Variants in PAK5 observed in about 807,000 individuals in gnomAD.
PAK5 encodes the protein p21 (RAC1) activated kinase 5.
In PAK5, 16 loss-of-function variants were observed where a neutral mutation model predicts 65.9. That is an observed-to-expected ratio of 0.24 (90% CI 0.16 to 0.37). The LOEUF (loss-of-function observed/expected upper bound fraction) is 0.37. Among genes scored for constraint, PAK5 ranks in the 10% least tolerant of loss-of-function variants. PAK5 has a pLI of 1.00. For missense variants in PAK5, 785 were observed against 903.9 expected (o/e 0.87, Z 1.69); for synonymous variants, 371 against 354.9 (o/e 1.05, Z -0.51).
At chr20:9,722,339 G>C (rs1195058195) in intron 1 of PAK5, among the ~76,000 whole-genome samples, 1 of 152,072 alleles carries the variant, frequency 6.6e-6, no homozygotes, top group Non-Finnish European at 1.5e-5. Flanking sequence ...ACAAGGCAAG[G>C]CCGGGCGTCG....
chr20:9,628,334 T>C (rs2046876156), intron 3 of PAK5, among the ~76,000 whole-genome samples: 1 of 152,170 alleles, frequency 6.6e-6, no homozygotes, highest in Admixed American at 6.5e-5. Context: ...TCTTGGATGG[T>C]TTGGCTCCAG....
intron 1 of PAK5, among the ~76,000 whole-genome samples, chr20:9,805,087 A>C (rs1356401434): frequency 6.6e-6 from 1 of 152,196 alleles, no homozygotes; most frequent in Admixed American, 6.5e-5. Context: ...CATATTTCCC[A>C]AAAAAATACA....
intron 2 of PAK5, among the ~76,000 whole-genome samples, chr20:9,694,911 T>C (rs1051824402): frequency 6.6e-6 from 1 of 152,046 alleles, no homozygotes; most frequent in Non-Finnish European, 1.5e-5. Context: ...GGTATATACA[T>C]ACCTAAGAGT....
In PAK5 at chr20:9,789,141, AG is replaced by A. The variant is rs1425036433; in HGVS notation, c.-162+49620del. Among the ~76,000 whole-genome samples, 3 of 152,344 alleles carry A rather than the reference AG, an allele frequency of 2.0e-5. No homozygotes were observed. The East Asian group carries it at 5.8e-4, about 29-fold the overall frequency. ...TAGAAGTTTGTACTGGCTGCCAGAAAGGCAAGCCCTTGGTGACTCAAGTACA... is the reference window on the plus strand; with the variant it reads ...TAGAAGTTTGTACTGGCTGCCAGAAAGCAAGCCCTTGGTGACTCAAGTACA... On this transcript the variant is annotated intron_variant, in intron 1 of 9. Transcript: ENST00000353224.
intron 6 of PAK5, among the ~76,000 whole-genome samples, chr20:9,559,489 C>T (rs1169722565): frequency 6.6e-6 from 1 of 152,166 alleles, no homozygotes; most frequent in East Asian, 1.9e-4. Flanking sequence ...TGAAGAAACA[C>T]ACCCTTCCCC....
At chr20:9,690,071 A>G (rs1475893652) in intron 2 of PAK5, among the ~76,000 whole-genome samples, 1 of 152,220 alleles carries the variant, frequency 6.6e-6, no homozygotes, top group Admixed American at 6.5e-5. Context: ...AGCCAGTCAG[A>G]CAACAGTATC....
chr20:9,561,994 T>G (rs1359303201), intron 6 of PAK5, among the ~76,000 whole-genome samples: 1 of 152,218 alleles, frequency 6.6e-6, no homozygotes. Flanking sequence ...GTGATTTATG[T>G]GGACACTGAA....
At position 9,766,386 on chromosome 20, in the gene PAK5, A is replaced by ACT. The variant is rs1569079089; in HGVS notation, c.-161-54952_-161-54951insAG. ...ATATATATATTCAAGCAGAATATAT[A>ACT]TGTATATATATATTCAAGCAGAATA... On this transcript the variant is annotated intron_variant, in intron 1 of 9. Transcript: ENST00000353224. Among the ~76,000 whole-genome samples the ACT allele has an allele frequency of 7.4e-3, 427 of 57,528 alleles. 85 individuals are homozygous for ACT. The highest frequency in any genetic ancestry group is 0.028 in the African/African-American group (318 of 11,158). The allele number at this position is 57,528 out of a possible 152,430, so 37.7% of individuals were successfully genotyped here. A position where few individuals can be genotyped will look rare whatever the true frequency, so the allele number is the denominator to read the frequency against.
At chr20:9,726,716 G>T (rs540939229) in intron 1 of PAK5, among the ~76,000 whole-genome samples, 235 of 152,210 alleles carry the variant, frequency 1.5e-3, no homozygotes, top group Non-Finnish European at 2.4e-3. Context: ...CCTAATGCAC[G>T]CAGGGCTTAA....
chr20:9,557,125 T>G (rs2045519687), intron 7 of PAK5, among the ~76,000 whole-genome samples: 1 of 152,192 alleles, frequency 6.6e-6, no homozygotes. Flanking sequence ...GCACTAATCC[T>G]CATACACTAT....
intron 2 of PAK5, among the ~76,000 whole-genome samples, chr20:9,705,706 C>T (rs987888210): frequency 1.3e-5 from 2 of 152,080 alleles, no homozygotes; most frequent in African/African-American, 2.4e-5. Flanking sequence ...CCTTGAAACA[C>T]TCTTGCACAG....
chr20:9,817,916 A>T (rs180778524), intron 1 of PAK5, among the ~76,000 whole-genome samples: 4 of 152,238 alleles, frequency 2.6e-5, no homozygotes, highest in African/African-American at 9.6e-5. Flanking sequence ...GACTTTCTTC[A>T]TAGGAACACA....
intron 1 of PAK5, among the ~76,000 whole-genome samples, chr20:9,812,471 A>C (rs1458220024): frequency 6.6e-6 from 1 of 152,160 alleles, no homozygotes; most frequent in Non-Finnish European, 1.5e-5. Flanking sequence ...TTTTAAAAAG[A>C]CTTACTATAA....
At chr20:9,652,136 T>C (rs2047210649) in intron 2 of PAK5, among the ~76,000 whole-genome samples, 1 of 152,222 alleles carries the variant, frequency 6.6e-6, no homozygotes, top group African/African-American at 2.4e-5. Context: ...TAGAAATACC[T>C]ACCTGTGTTC....
intron 2 of PAK5, among the ~76,000 whole-genome samples, chr20:9,655,889 T>C (rs2047261212): frequency 1.3e-5 from 2 of 152,206 alleles, no homozygotes; most frequent in South Asian, 2.1e-4. Flanking sequence ...CCCCTACATA[T>C]GACTGTGTCC....
Position 9,572,760 on chromosome 20 carries a change from G to A in PAK5, c.991-6376C>T, listed in dbSNP as rs958812271. ...AGCAAGGGCACGGAGTGCAGAGCAA[G>A]GGTGGGAAACTGCAATGTAAGAGAA... On this transcript the variant is annotated intron_variant, in intron 4 of 9. Coordinates refer to ENST00000353224, the MANE Select transcript of PAK5 (RefSeq NM_177990.4). Among the ~76,000 whole-genome samples, 4 of 152,216 alleles carry A rather than the reference G, an allele frequency of 2.6e-5. No individual in the cohort carries two copies. The East Asian group carries it at 7.7e-4, about 29-fold the overall frequency.
At chr20:9,779,318 T>C (rs1409087339) in intron 1 of PAK5, among the ~76,000 whole-genome samples, 1 of 151,382 alleles carries the variant, frequency 6.6e-6, no homozygotes, top group Non-Finnish European at 1.5e-5. Context: ...TGGCTCTTCA[T>C]GAATTTACTG....
At chr20:9,577,551 C>T (rs779395912) in intron 4 of PAK5, 34 of 152,236 alleles carry the variant, frequency 2.2e-4, no homozygotes, top group Non-Finnish European at 3.7e-4. Context: ...TCATCTGAGT[C>T]GTGACCGCTA....
chr20:9,560,129 C>T (rs773715433), intron 6 of PAK5, among the ~76,000 whole-genome samples: 6 of 152,116 alleles, frequency 3.9e-5, no homozygotes, highest in Non-Finnish European at 5.9e-5. Flanking sequence ...TGAATCTAAC[C>T]GCTAGTCACT....
Sources: allele counts gnomAD v4.1 joint callset (sites outside exome capture counted in the v4.1 genomes callset), GRCh38; gene constraint gnomAD v4.1.1; transcripts MANE v1.5; gene names NCBI Gene and HGNC (gene_info 2026-07-23, HGNC 2026-07-21).